The following ADCY2 variants were observed in gnomAD, a reference collection of about 807,000 sequenced individuals.
The protein encoded by ADCY2 is adenylate cyclase 2.
In ADCY2, 31 loss-of-function variants were observed where a neutral mutation model predicts 125.2. The observed-to-expected ratio is 0.25, with a 90% CI of 0.19 to 0.33. The LOEUF (loss-of-function observed/expected upper bound fraction) is 0.33. Among genes scored for constraint, ADCY2 ranks in the 10% least tolerant of loss-of-function variants. ADCY2 has a pLI of 1.00. For synonymous variants in ADCY2, 512 were observed against 548.4 expected, an observed-to-expected ratio of 0.93 and a Z score of 0.93; for missense variants, 904 against 1,418.2, an observed-to-expected ratio of 0.64 and a Z score of 5.82.
chr5:7,401,889 G>C (rs913442254), intron 1 of ADCY2, among the ~76,000 whole-genome samples: 4 of 152,186 alleles, frequency 2.6e-5, no homozygotes, highest in Non-Finnish European at 5.9e-5. Context: ...TGGATGTTGG[G>C]CATACTCCAC....
At chr5:7,438,641 T>C (rs777167241) in intron 2 of ADCY2, among the ~76,000 whole-genome samples, 2 of 152,214 alleles carry the variant, frequency 1.3e-5, no homozygotes, top group Non-Finnish European at 2.9e-5. Context: ...GTTTTACTGC[T>C]TGCCCGCTGT....
At chr5:7,672,391 C>A (rs1266125222) in intron 4 of ADCY2, among the ~76,000 whole-genome samples, 2 of 152,156 alleles carry the variant, frequency 1.3e-5, no homozygotes, top group Admixed American at 6.5e-5. Context: ...TTCAAGGGAA[C>A]TTTCTCTATA....
In ADCY2 at chr5:7,454,861, C is replaced by G. The variant is rs564788949; in HGVS notation, c.408+40091C>G. On this transcript the variant is annotated intron_variant, in intron 2 of 24. Transcript: ENST00000338316. ...TTTTTTGTACAATATACCTAACTCT[C>G]CTTTGGTTTTTAGATATTTAGGTTA... Among the ~76,000 whole-genome samples the G allele has an allele frequency of 2.4e-3, 370 of 152,158 alleles. 3 individuals carry two copies. The highest frequency in any genetic ancestry group is 2.8e-3 in the Non-Finnish European group (191 of 68,002).
intron 3 of ADCY2, among the ~76,000 whole-genome samples, chr5:7,574,392 T>C (rs192049273): frequency 6.6e-6 from 1 of 152,144 alleles, no homozygotes; most frequent in African/African-American, 2.4e-5. Flanking sequence ...GTAAAAGTGT[T>C]CCTATTTCTC....
chr5:7,717,127 C>A, intron 11 of ADCY2, 30 bp from the exon 12 acceptor site: 2 of 1,438,774 alleles, frequency 1.4e-6, no homozygotes, highest in South Asian at 1.2e-5. Context: ...TAATAATATC[C>A]TTACCCATAA....
chr5:7,717,481 T>C lies in ADCY2; in HGVS notation c.1703+244T>C, dbSNP rs118091183. ...TGCTGATAAACAACCTGAGGTGTAA[T>C]TGGAAAGAGGAAAATTACAGCACGA... On this transcript the variant is annotated intron_variant, in intron 12 of 24. Transcript: ENST00000338316. Among the ~76,000 whole-genome samples, 236 of 152,328 alleles carry C rather than the reference T, an allele frequency of 1.5e-3. 6 individuals are homozygous for C. The East Asian group carries it at 0.037, about 24-fold the overall frequency.
At chr5:7,416,533 A>G (rs1739954104) in intron 2 of ADCY2, among the ~76,000 whole-genome samples, 1 of 152,210 alleles carries the variant, frequency 6.6e-6, no homozygotes, top group African/African-American at 2.4e-5. Flanking sequence ...CAATAAGGTA[A>G]ACATGAGAGG....
chr5:7,738,377 T>C (rs1299437590), intron 14 of ADCY2, among the ~76,000 whole-genome samples: 1 of 151,752 alleles, frequency 6.6e-6, no homozygotes, highest in Non-Finnish European at 1.5e-5. Context: ...AAATGAAAAA[T>C]ACTTTTAAAT....
At chr5:7,674,163 C>T (rs1404933234) in intron 4 of ADCY2, among the ~76,000 whole-genome samples, 4 of 152,188 alleles carry the variant, frequency 2.6e-5, no homozygotes, top group Non-Finnish European at 5.9e-5. Context: ...ACTCCTTGCA[C>T]TTGTGGTGGT....
intron 15 of ADCY2, among the ~76,000 whole-genome samples, chr5:7,750,339 C>T (rs567968407): frequency 2.0e-5 from 3 of 152,216 alleles, no homozygotes; most frequent in Non-Finnish European, 4.4e-5. Flanking sequence ...AATAATATCT[C>T]CACTTTCTTG....
chr5:7,759,191 G>T (rs111822073), intron 16 of ADCY2, among the ~76,000 whole-genome samples: 1,780 of 152,302 alleles, frequency 0.012, 42 homozygotes, highest in African/African-American at 0.041. Context: ...CCTGTGTCAT[G>T]AGTTTGGGGA....
intron 3 of ADCY2, among the ~76,000 whole-genome samples, chr5:7,541,079 C>T (rs1734980491): frequency 1.3e-5 from 2 of 152,112 alleles, no homozygotes; most frequent in East Asian, 1.9e-4. Flanking sequence ...CTACTGGAGC[C>T]GTTTACATTT....
intron 21 of ADCY2, 29 bp from the exon 22 acceptor site, chr5:7,804,556 G>C: frequency 6.5e-7 from 1 of 1,546,226 alleles, no homozygotes; most frequent in South Asian, 1.1e-5. Context: ...ATCCAGCTGA[G>C]TAACTGGACG....
At chr5:7,402,386 A>G (rs1313135128) in intron 1 of ADCY2, among the ~76,000 whole-genome samples, 1 of 152,228 alleles carries the variant, frequency 6.6e-6, no homozygotes, top group Non-Finnish European at 1.5e-5. Flanking sequence ...AGAGAGGGTT[A>G]GGAGAAGACT....
chr5:7,770,400 A>T (rs889321972), intron 17 of ADCY2, among the ~76,000 whole-genome samples: 2 of 152,162 alleles, frequency 1.3e-5, no homozygotes, highest in African/African-American at 2.4e-5. Flanking sequence ...CTCTCATTCG[A>T]TTAGGCTGAA....
chr5:7,788,876 G>A (rs1039865983), intron 19 of ADCY2, among the ~76,000 whole-genome samples: 1 of 152,146 alleles, frequency 6.6e-6, no homozygotes, highest in African/African-American at 2.4e-5. Context: ...ATCCATTCAA[G>A]ACTATTTCAT....
chr5:7,822,919 T>C (rs1745347736), intron 24 of ADCY2, among the ~76,000 whole-genome samples: 2 of 152,218 alleles, frequency 1.3e-5, no homozygotes, highest in South Asian at 2.1e-4. Context: ...GATAAATCCC[T>C]ATAGTGTGTG....
chr5:7,413,332 G>T (rs1044233201), intron 1 of ADCY2, among the ~76,000 whole-genome samples: 1 of 151,910 alleles, frequency 6.6e-6, no homozygotes, highest in Non-Finnish European at 1.5e-5. Context: ...TCTCGCTCTG[G>T]CGCCCAGGCT....
intron 4 of ADCY2, among the ~76,000 whole-genome samples, chr5:7,641,310 A>G (rs1738703459): frequency 6.6e-6 from 1 of 152,174 alleles, no homozygotes; most frequent in Admixed American, 6.6e-5. Context: ...ATCTCTATCT[A>G]TATTTATTGT....
Sources: allele counts gnomAD v4.1 joint callset (sites outside exome capture counted in the v4.1 genomes callset), GRCh38; gene constraint gnomAD v4.1.1; transcripts MANE v1.5; gene names NCBI Gene and HGNC (gene_info 2026-07-23, HGNC 2026-07-21).